The following SIM2 variants were observed in gnomAD, a reference collection of about 807,000 sequenced individuals.
SIM2 encodes the protein single-minded homolog 2.
In SIM2, 28 loss-of-function variants were observed where a neutral mutation model predicts 64.8. The observed-to-expected ratio is 0.43, with a 90% CI of 0.32 to 0.59. SIM2 has a LOEUF of 0.59. Among genes scored for constraint, SIM2 ranks in the 20% least tolerant of loss-of-function variants. SIM2 has a pLI of 0.07. For missense variants in SIM2, 847 were observed against 871.4 expected, an observed-to-expected ratio of 0.97 and a Z score of 0.35; for synonymous variants, 408 against 391.1, an observed-to-expected ratio of 1.04 and a Z score of -0.51.
chr21:36,729,067 C>T (rs559790618), intron 6 of SIM2, among the ~76,000 whole-genome samples: 1 of 152,296 alleles, frequency 6.6e-6, no homozygotes, highest in East Asian at 1.9e-4. Flanking sequence ...GGGAGGGCAC[C>T]TTGCCAAACC....
chr21:36,710,526 T>G (rs1328966634), intron 2 of SIM2: 1 of 152,188 alleles, frequency 6.6e-6, no homozygotes, highest in Non-Finnish European at 1.5e-5. Context: ...CTGTCATTTG[T>G]CTCTGCCATC....
Position 36,745,091 on chromosome 21 carries a change from C to A in SIM2, c.1531C>A (p.Pro511Thr), listed in dbSNP as rs367607207. 1.2e-6 allele frequency: 2 copies of A among 1,612,818 alleles called. No individual in the cohort carries two copies. Among genetic ancestry groups the A allele is most frequent in the Non-Finnish European group, 8.5e-7 (1 of 1,179,126 alleles). ...SSSPAKNPPE[P>T]PANTARHSLV... is the part of the protein sequence containing the mutation. ...GTCTCCAGCTAAAAATCCTCCAGAG[C>A]CACCGGCGAACACTGCTAGGCACAG... Residue 511 changes from proline to threonine, a missense_variant, in exon 10 of 11, where the codon CCA (proline) becomes ACA (threonine). Pro to Thr is a conservative substitution (Grantham distance 38, BLOSUM62 -1). Transcript: ENST00000290399. This position sits in a 1 kb window ranked among gnomAD's most constrained non-coding sequence, Gnocchi z 4.8.
chr21:36,704,524 G>A (rs1294227467), intron 1 of SIM2, among the ~76,000 whole-genome samples: 1 of 152,232 alleles, frequency 6.6e-6, no homozygotes. Flanking sequence ...CAGGGCCTGT[G>A]CTTTCGTTGC....
chr21:36,736,136 A>G (rs1160133061), intron 7 of SIM2, among the ~76,000 whole-genome samples: 1 of 152,082 alleles, frequency 6.6e-6, no homozygotes, highest in Admixed American at 6.5e-5. Context: ...AGCTGGAGGT[A>G]GCCAGCAGTG....
chr21:36,731,080 T>G lies in SIM2; in HGVS notation c.779T>G (p.Leu260Arg). The change falls in exon 7 of 11, where the codon CTG (leucine) becomes CGG (arginine). Residue 260 changes from leucine to arginine, a missense_variant. Physicochemically the swap from Leu to Arg is moderately radical, Grantham distance 102 (BLOSUM62 -2). Around this residue, in one of 3 missense-constraint regions of SIM2, gnomAD observed 397 missense variants for 439.2 expected, o/e 0.90. Transcript: ENST00000290399. ...GTGACGGGGTACGAGCCGCAGGACC[T>G]GATCGAGAAGACCCTATACCATCAC... The part of the protein sequence containing the change: ...TEVTGYEPQD[L>R]IEKTLYHHVH... The G allele has an allele frequency of 1.2e-6, 2 of 1,614,104 alleles. No individual in the cohort carries two copies. Among genetic ancestry groups the G allele is most frequent in the Non-Finnish European group, 1.7e-6 (2 of 1,179,990 alleles).
At chr21:36,714,849 G>A (rs2246036) in intron 3 of SIM2, among the ~76,000 whole-genome samples, 119,722 of 152,202 alleles carry the variant, frequency 0.79, 47,878 homozygotes, top group African/African-American at 0.94. Context: ...CCTCCGGTTC[G>A]TGATCGGCTC....
intron 3 of SIM2, among the ~76,000 whole-genome samples, chr21:36,713,376 C>T (rs1331682166): frequency 6.6e-6 from 1 of 152,144 alleles, no homozygotes; most frequent in Non-Finnish European, 1.5e-5. Context: ...TCCCTGGGCC[C>T]ATTGAATGTC....
chr21:36,699,931 C>T lies in SIM2; in HGVS notation c.175+10C>T. 6.3e-7 allele frequency: 1 copy of T among 1,589,818 alleles called. No homozygotes were observed. The highest frequency in any genetic ancestry group is 8.6e-7 in the Non-Finnish European group (1 of 1,168,900). On this transcript the variant is annotated intron_variant, in intron 1 of 10. Transcript: ENST00000290399. The surrounding 1 kb of genome is among the most constrained non-coding windows in gnomAD (Gnocchi z 5.6). ...GCCGTCTTCCCCGAAGGTGAGGCCT[C>T]AGGTGGGCGGCCGGGGACGCTGGGG... is the stretch of plus-strand genomic sequence containing the variant.
chr21:36,749,101 G>A lies in SIM2; in HGVS notation c.*1009G>A, dbSNP rs866698262. The A allele has an allele frequency of 2.0e-5, 3 of 152,630 alleles. No individual in the cohort carries two copies. The highest frequency in any genetic ancestry group is 4.8e-5 in the African/African-American group (2 of 41,446). The allele number at this position is 152,630 out of a possible 1,614,324, so 9.5% of individuals were successfully genotyped here. A position where few individuals can be genotyped will look rare whatever the true frequency, so the allele number is the denominator to read the frequency against. ...ATTTTCTACACAGCGAGAAAACTTCGTAAGAACATGTTACGTGTGCAACAG... is the reference window on the plus strand; with the variant it reads ...ATTTTCTACACAGCGAGAAAACTTCATAAGAACATGTTACGTGTGCAACAG... On this transcript the variant is annotated 3_prime_UTR_variant, in exon 11 of 11. Transcript: ENST00000290399.
chr21:36,736,845 C>T (rs1381157400), intron 7 of SIM2, among the ~76,000 whole-genome samples: 1 of 143,792 alleles, frequency 7.0e-6, no homozygotes, highest in African/African-American at 2.7e-5. Context: ...CTTTCTCTTT[C>T]TTTTCTTTCT....
chr21:36,723,300 T>C (rs990581902), intron 5 of SIM2, among the ~76,000 whole-genome samples, 170 bp downstream of exon 5: 10 of 152,070 alleles, frequency 6.6e-5, no homozygotes. Context: ...TGAGAGCTGG[T>C]GTTTTAGGAG....
In SIM2 at chr21:36,713,397, T is replaced by C. The variant is rs539037642; in HGVS notation, c.348+775T>C. The stretch of plus-strand genomic sequence containing the variant: ...GGCCCATTGAATGTCTGAAAGGGGA[T>C]AGTGTAACTGATCATTCTCATTCAC... On this transcript the variant is annotated intron_variant, in intron 3 of 10. Transcript: ENST00000290399. Among the ~76,000 whole-genome samples the C allele has an allele frequency of 8.5e-4, 130 of 152,320 alleles. 2 individuals carry two copies. The highest frequency in any genetic ancestry group is 6.8e-3 in the Middle Eastern group (2 of 294).
Position 36,749,496 on chromosome 21 carries a change from G to A in SIM2, c.*1404G>A, listed in dbSNP as rs1345422695. 1.4e-5 allele frequency: 2 copies of A among 143,326 alleles called. No homozygotes were observed. Among genetic ancestry groups the A allele is most frequent in the Non-Finnish European group, 3.0e-5 (2 of 66,898 alleles). The allele number at this position is 143,326 out of a possible 1,614,324, so 8.9% of individuals were successfully genotyped here. ...ACCCTGTGTCACTTAGTGAGGACCT[G>A]ACACAATCCCTACAGGGTGTCTGTC... On this transcript the variant is annotated 3_prime_UTR_variant, in exon 11 of 11. Coordinates refer to ENST00000290399, the MANE Select transcript of SIM2 (RefSeq NM_005069.6).
At chr21:36,736,721 CT>C (rs765517216) in intron 7 of SIM2, among the ~76,000 whole-genome samples, 1,898 of 115,160 alleles carry the variant, frequency 0.016, 22 homozygotes, top group Non-Finnish European at 0.024. Context: ...ACTTCCTTCC[CT>C]TCCTTCCCTC....
chr21:36,736,420 T>C (rs910731286), intron 7 of SIM2, among the ~76,000 whole-genome samples: 3 of 152,168 alleles, frequency 2.0e-5, no homozygotes, highest in African/African-American at 7.2e-5. Context: ...GACAGCCCGA[T>C]GGTTTGCACA....
intron 7 of SIM2, among the ~76,000 whole-genome samples, chr21:36,737,984 C>CAAAAAAAA (rs71326699): frequency 1.1e-5 from 1 of 90,254 alleles, no homozygotes; most frequent in Non-Finnish European, 2.1e-5. Flanking sequence ...AAAAAAAAAG[C>CAAAAAAAA]AAAAAAAAAG....
chr21:36,721,930 C>T (rs1281477884), intron 4 of SIM2, among the ~76,000 whole-genome samples: 1 of 152,176 alleles, frequency 6.6e-6, no homozygotes, highest in Non-Finnish European at 1.5e-5. Flanking sequence ...GGGCTGGAAG[C>T]ATTGAGGCCG....
chr21:36,730,998 G>T, intron 6 of SIM2, 47 bp from the exon 7 acceptor site: 1 of 1,329,988 alleles, frequency 7.5e-7, no homozygotes, highest in African/African-American at 1.4e-5. Flanking sequence ...TAAATGAAAG[G>T]CAGTCTGCAG....
At chr21:36,736,878 T>A (rs950413003) in intron 7 of SIM2, among the ~76,000 whole-genome samples, 3 of 151,262 alleles carry the variant, frequency 2.0e-5, no homozygotes, top group Non-Finnish European at 4.4e-5. Context: ...CTTTCTTTCT[T>A]CCTTCCTTTT....
Sources: allele counts gnomAD v4.1 joint callset (sites outside exome capture counted in the v4.1 genomes callset), GRCh38; gene constraint gnomAD v4.1.1; regional missense constraint gnomAD v4.1.1; non-coding constraint Gnocchi (gnomAD v3.1); transcripts MANE v1.5; gene names NCBI Gene and HGNC (gene_info 2026-07-23, HGNC 2026-07-21).